PELI2: variants seen among roughly 807,000 people sequenced by gnomAD.
PELI2 encodes the protein E3 ubiquitin-protein ligase pellino homolog 2.
A neutral mutation model predicts 42.3 loss-of-function variants in PELI2; 23 were observed. That is an observed-to-expected ratio of 0.54 (90% CI 0.39 to 0.77). The LOEUF (loss-of-function observed/expected upper bound fraction) is 0.77, where lower values mean the gene tolerates loss of function less well. Among genes scored for constraint, PELI2 ranks in the 30% least tolerant of loss-of-function variants. The pLI is 0.00. For synonymous variants in PELI2, 245 were observed against 212.2 expected (o/e 1.15, Z -1.34); for missense variants, 463 against 553.2 (o/e 0.84, Z 1.64).
intron 2 of PELI2, among the ~76,000 whole-genome samples, chr14:56,189,820 G>A (rs756264180): frequency 6.6e-6 from 1 of 152,160 alleles, no homozygotes; most frequent in Admixed American, 6.5e-5. Context: ...CAATTTAAAT[G>A]TATCTTTGTT....
intron 1 of PELI2, among the ~76,000 whole-genome samples, chr14:56,130,450 T>A (rs1304961881): frequency 6.6e-6 from 1 of 152,130 alleles, no homozygotes; most frequent in Non-Finnish European, 1.5e-5. Flanking sequence ...TATTTTGTTT[T>A]TTTTTAACCA....
At chr14:56,268,018 G>A (rs1382315500) in intron 2 of PELI2, among the ~76,000 whole-genome samples, 2 of 152,266 alleles carry the variant, frequency 1.3e-5, no homozygotes, top group Non-Finnish European at 2.9e-5. Flanking sequence ...TCAATTTATA[G>A]CATTTGGAAG....
At chr14:56,225,105 T>C (rs933627609) in intron 2 of PELI2, among the ~76,000 whole-genome samples, 8 of 152,192 alleles carry the variant, frequency 5.3e-5, no homozygotes, top group Admixed American at 2.6e-4. Flanking sequence ...CATGTGCGTG[T>C]GCATATGTAA....
At chr14:56,274,849 A>G (rs1458325182) in intron 2 of PELI2, among the ~76,000 whole-genome samples, 1 of 152,220 alleles carries the variant, frequency 6.6e-6, no homozygotes, top group East Asian at 1.9e-4. Context: ...CTTCAGCTGG[A>G]TAAAGCTGAA....
At chr14:56,249,210 A>G (rs1286542916) in intron 2 of PELI2, among the ~76,000 whole-genome samples, 5 of 151,810 alleles carry the variant, frequency 3.3e-5, no homozygotes, top group African/African-American at 1.2e-4. Flanking sequence ...CTAAAATTCA[A>G]GCGGTATTGA....
rs138161974 is a variant in PELI2, at chr14:56,263,807, G to A, written c.208-15869G>A. ...TTTTATAGTTTTATGCACAAAAGTA[G>A]CTGTAAGAATAGAAATATGCCCCTT... On this transcript the variant is annotated intron_variant, in intron 2 of 5. Coordinates refer to ENST00000267460, the MANE Select transcript of PELI2 (RefSeq NM_021255.3). 5.9e-3 allele frequency among the ~76,000 whole-genome samples: 896 copies of A among 152,230 alleles called. 10 individuals are homozygous for A. Among genetic ancestry groups the A allele is most frequent in the African/African-American group, 0.02 (816 of 41,530 alleles).
At chr14:56,183,574 G>A (rs910719910) in intron 2 of PELI2, among the ~76,000 whole-genome samples, 1 of 152,152 alleles carries the variant, frequency 6.6e-6, no homozygotes, top group Non-Finnish European at 1.5e-5. Context: ...GGTCCTGATC[G>A]TTGCAAAACA....
At chr14:56,238,107 C>T (rs1342819491) in intron 2 of PELI2, among the ~76,000 whole-genome samples, 1 of 135,746 alleles carries the variant, frequency 7.4e-6, no homozygotes, top group East Asian at 2.1e-4. Flanking sequence ...ATCTGAAAAT[C>T]TCCTAAGTTG....
intron 1 of PELI2, among the ~76,000 whole-genome samples, chr14:56,140,901 C>T (rs983129070): frequency 1.3e-5 from 2 of 152,152 alleles, no homozygotes; most frequent in East Asian, 3.8e-4. Flanking sequence ...ATGCATGAAG[C>T]TGGCAGGTTT....
At chr14:56,137,309 G>GA (rs1387488898) in intron 1 of PELI2, among the ~76,000 whole-genome samples, 5 of 151,864 alleles carry the variant, frequency 3.3e-5, no homozygotes, top group East Asian at 3.9e-4. Flanking sequence ...GGGTAACAGA[G>GA]AAAAAAATGA....
chr14:56,181,498 C>A (rs1253914541), intron 2 of PELI2, among the ~76,000 whole-genome samples: 1 of 152,066 alleles, frequency 6.6e-6, no homozygotes, highest in East Asian at 1.9e-4. Flanking sequence ...GAAAGTTCAT[C>A]TTTGATTGTA....
At chr14:56,151,907 T>A (rs1884373855) in intron 1 of PELI2, among the ~76,000 whole-genome samples, 1 of 152,202 alleles carries the variant, frequency 6.6e-6, no homozygotes, top group Admixed American at 6.5e-5. Flanking sequence ...TTAGTAGATG[T>A]TTCCTTTCTC....
At chr14:56,246,915 A>C (rs1424145492) in intron 2 of PELI2, among the ~76,000 whole-genome samples, 1 of 152,164 alleles carries the variant, frequency 6.6e-6, no homozygotes, top group Non-Finnish European at 1.5e-5. Context: ...AAACCTTTAA[A>C]CTATACAGAA....
At chr14:56,174,986 A>T (rs747237610) in intron 1 of PELI2, among the ~76,000 whole-genome samples, 14 of 151,838 alleles carry the variant, frequency 9.2e-5, no homozygotes, top group Non-Finnish European at 2.9e-5. Flanking sequence ...TAGACTTCTT[A>T]CTTAGATTTC....
chr14:56,227,408 A>G (rs1469303810), intron 2 of PELI2, among the ~76,000 whole-genome samples: 1 of 152,174 alleles, frequency 6.6e-6, no homozygotes, highest in Non-Finnish European at 1.5e-5. Context: ...TAGATCAAAT[A>G]CCTAAGTATA....
chr14:56,224,416 A>G (rs1887266464), intron 2 of PELI2, among the ~76,000 whole-genome samples: 2 of 152,204 alleles, frequency 1.3e-5, no homozygotes, highest in South Asian at 4.1e-4. Context: ...TCACTTGGAA[A>G]GTCCATTGTG....
intron 2 of PELI2, among the ~76,000 whole-genome samples, chr14:56,215,356 A>G (rs2139737054): frequency 6.6e-6 from 1 of 152,326 alleles, no homozygotes; most frequent in Non-Finnish European, 1.5e-5. Context: ...AGCGAAACAT[A>G]ACACACAGGA....
intron 1 of PELI2, among the ~76,000 whole-genome samples, chr14:56,169,433 G>C (rs1188553990): frequency 1.3e-5 from 2 of 152,200 alleles, no homozygotes; most frequent in African/African-American, 2.4e-5. Flanking sequence ...TTGGGCGTCA[G>C]CTGAGTTGGT....
intron 2 of PELI2, among the ~76,000 whole-genome samples, chr14:56,216,092 T>C (rs1161053663): frequency 1.3e-5 from 2 of 152,238 alleles, no homozygotes. Context: ...TGCTTTATTT[T>C]TTAGTCAGCA....
Sources: gnomAD v4.1 joint callset for allele counts (sites outside exome capture counted in the v4.1 genomes callset) on GRCh38, gnomAD v4.1.1 for gene constraint, MANE v1.5 for transcripts, NCBI Gene and HGNC (gene_info 2026-07-23, HGNC 2026-07-21) for gene names.